EXOC6B: variants seen among roughly 807,000 people sequenced by gnomAD.
EXOC6B encodes the protein exocyst complex component 6B.
A neutral mutation model predicts 113.5 loss-of-function variants in EXOC6B; 54 were observed. The observed-to-expected ratio is 0.48, with a 90% CI of 0.38 to 0.60. The LOEUF (loss-of-function observed/expected upper bound fraction) is 0.60. Among genes scored for constraint, EXOC6B ranks in the 20% least tolerant of loss-of-function variants. The pLI, the probability that EXOC6B is intolerant of heterozygous loss-of-function variation, is 0.00. For synonymous variants in EXOC6B, 357 were observed against 339.0 expected (o/e 1.05, Z -0.58); for missense variants, 797 against 977.5 (o/e 0.82, Z 2.46).
intron 6 of EXOC6B, among the ~76,000 whole-genome samples, chr2:72,701,160 T>C (rs754902476): frequency 3.3e-5 from 5 of 151,436 alleles, no homozygotes; most frequent in East Asian, 3.9e-4. Flanking sequence ...CTGGCCAACA[T>C]AGTGAAACCC....
intron 7 of EXOC6B, among the ~76,000 whole-genome samples, chr2:72,565,115 C>T (rs2103742952): frequency 6.6e-6 from 1 of 152,174 alleles, no homozygotes; most frequent in East Asian, 1.9e-4. Flanking sequence ...CTTTGGGAGG[C>T]CGAAGCAGGT....
chr2:72,788,780 C>G (rs1227948956), intron 1 of EXOC6B, among the ~76,000 whole-genome samples: 1 of 152,130 alleles, frequency 6.6e-6, no homozygotes, highest in Non-Finnish European at 1.5e-5. Context: ...GCCTGGGCAA[C>G]AGAGCCTCAA....
rs528310360 is a variant in EXOC6B at position 72,324,847 on chromosome 2, G to A, written c.2196+10100C>T. On this transcript the variant is annotated intron_variant, in intron 20 of 21. Coordinates refer to ENST00000272427, the MANE Select transcript of EXOC6B (RefSeq NM_015189.3). ...GGGAGACACTAGAACTTAATAGACC[G>A]AGGCAGAATTTTCTTTCTTCATACC... Among the ~76,000 whole-genome samples the A allele has an allele frequency of 5.1e-4, 77 of 152,132 alleles. 1 individual carries two copies. The highest frequency in any genetic ancestry group is 1.8e-3 in the African/African-American group (74 of 41,518).
chr2:72,579,495 A>G (rs1705069987), intron 6 of EXOC6B, among the ~76,000 whole-genome samples: 1 of 152,220 alleles, frequency 6.6e-6, no homozygotes, highest in South Asian at 2.1e-4. Context: ...ATTTGGCCCA[A>G]TAAAAACTTA....
At chr2:72,470,985 A>C (rs1698371724) in intron 17 of EXOC6B, among the ~76,000 whole-genome samples, 1 of 152,280 alleles carries the variant, frequency 6.6e-6, no homozygotes, top group Non-Finnish European at 1.5e-5. Flanking sequence ...TATACCCAGT[A>C]ATGGGATGGC....
chr2:72,754,628 T>C (rs1252667348), intron 1 of EXOC6B, among the ~76,000 whole-genome samples: 2 of 151,356 alleles, frequency 1.3e-5, no homozygotes. Flanking sequence ...TTTTTTTTTT[T>C]TAGAGACAGT....
chr2:72,465,114 G>A, intron 18 of EXOC6B, 46 bp downstream of exon 18: 1 of 1,463,516 alleles, frequency 6.8e-7, no homozygotes, highest in Non-Finnish European at 9.2e-7. Context: ...AAATTATAAG[G>A]AAATCTTTTT....
chr2:72,825,616 G>A lies in EXOC6B; in HGVS notation c.113+182C>T, dbSNP rs1241878498. 1.3e-5 allele frequency among the ~76,000 whole-genome samples: 2 copies of A among 152,212 alleles called. No homozygotes were observed. Among genetic ancestry groups the A allele is most frequent in the Non-Finnish European group, 1.5e-5 (1 of 68,044 alleles). ...GGGTCCTGAGTCACTGGGCTGTAGG[G>A]CGCCGGGAAGGGACCCCGCGTCGGG... On this transcript the variant is annotated intron_variant, in intron 1 of 21. Transcript: ENST00000272427. The surrounding 1 kb of genome is among the most constrained non-coding windows in gnomAD (Gnocchi z 4.4).
chr2:72,797,933 T>C (rs1294021099), intron 1 of EXOC6B, among the ~76,000 whole-genome samples: 1 of 152,134 alleles, frequency 6.6e-6, no homozygotes, highest in African/African-American at 2.4e-5. Context: ...GCAACAAATT[T>C]CACTTCCTAT....
At chr2:72,764,824 G>A (rs1682966455) in intron 1 of EXOC6B, among the ~76,000 whole-genome samples, 1 of 152,126 alleles carries the variant, frequency 6.6e-6, no homozygotes, top group South Asian at 2.1e-4. Flanking sequence ...AATAACATTT[G>A]CATTATTTTA....
intron 1 of EXOC6B, among the ~76,000 whole-genome samples, chr2:72,806,029 T>G (rs554696776): frequency 6.6e-6 from 1 of 152,314 alleles, no homozygotes; most frequent in South Asian, 2.1e-4. Context: ...TTTTCTTTTT[T>G]TATCATTTCA....
rs187549268 is a variant in EXOC6B at position 72,443,051 on chromosome 2, G to A, written c.1980+22109C>T. ...ATACAAGAAAAGACACATAGGCAGG[G>A]CGCGGTGCCTCACGCCTGTAATCCC... On this transcript the variant is annotated intron_variant, in intron 18 of 21. Coordinates refer to ENST00000272427, the MANE Select transcript of EXOC6B (RefSeq NM_015189.3). Among the ~76,000 whole-genome samples the A allele has an allele frequency of 7.2e-5, 11 of 152,144 alleles. No individual in the cohort carries two copies. In the East Asian group the frequency reaches 2.1e-3, roughly 29 times the overall value.
chr2:72,282,880 C>A (rs1685214889), intron 20 of EXOC6B, among the ~76,000 whole-genome samples: 1 of 152,030 alleles, frequency 6.6e-6, no homozygotes. Flanking sequence ...AATTTATATG[C>A]ACCTAGTAAC....
intron 1 of EXOC6B, among the ~76,000 whole-genome samples, chr2:72,801,145 A>G: frequency 6.6e-6 from 1 of 152,226 alleles, no homozygotes; most frequent in South Asian, 2.1e-4. Flanking sequence ...ATCTGCAGAA[A>G]ATGGCAGTTT....
At chr2:72,189,860 C>CTTCTTTTTTTTTT (rs1178321834) in intron 20 of EXOC6B, among the ~76,000 whole-genome samples, 9 of 87,252 alleles carry the variant, frequency 1.0e-4, no homozygotes, top group African/African-American at 5.9e-4. Flanking sequence ...CCTTCTTCTT[C>CTTCTTTTTTTTTT]TTTTTTTTTT....
chr2:72,725,382 A>C (rs560891823), intron 5 of EXOC6B, among the ~76,000 whole-genome samples: 1 of 152,250 alleles, frequency 6.6e-6, no homozygotes, highest in Non-Finnish European at 1.5e-5. Flanking sequence ...GGCTACATTA[A>C]AGTCAAATAA....
chr2:72,578,899 A>T (rs1705035158), intron 6 of EXOC6B, among the ~76,000 whole-genome samples: 1 of 152,178 alleles, frequency 6.6e-6, no homozygotes, highest in Non-Finnish European at 1.5e-5. Context: ...AAGGAATAAC[A>T]GGAGATAAAG....
Position 72,520,359 on chromosome 2 carries a change from C to T in EXOC6B, c.916-5233G>A, listed in dbSNP as rs573508194. Among the ~76,000 whole-genome samples the T allele has an allele frequency of 8.2e-4, 125 of 152,216 alleles. 1 individual carries two copies. The Middle Eastern group carries it at 0.014, about 17-fold the overall frequency. ...CTATTCATCTCCTCATGTAATTTTT[C>T]GATCTCCATTTATTCTTCTAAAGTT... is the stretch of plus-strand genomic sequence containing the variant. On this transcript the variant is annotated intron_variant, in intron 8 of 21. Transcript: ENST00000272427.
Position 72,534,447 on chromosome 2 carries a change from G to A in EXOC6B, c.916-19321C>T, listed in dbSNP as rs1186990354. Among the ~76,000 whole-genome samples the A allele has an allele frequency of 5.9e-5, 9 of 151,936 alleles. No individual in the cohort carries two copies. The East Asian group carries it at 1.7e-3, about 29-fold the overall frequency. On this transcript the variant is annotated intron_variant, in intron 8 of 21. Transcript: ENST00000272427. ...AATAATCTATGTTTCAGGTTTAAAA[G>A]GCATACAGTTAAAACTTAAGATGAT...
Sources: allele counts gnomAD v4.1 joint callset (sites outside exome capture counted in the v4.1 genomes callset), GRCh38; gene constraint gnomAD v4.1.1; non-coding constraint Gnocchi (gnomAD v3.1); transcripts MANE v1.5; gene names NCBI Gene and HGNC (gene_info 2026-07-23, HGNC 2026-07-21).